The following SDHAF3 variants were observed in gnomAD, a reference collection of about 807,000 sequenced individuals.
SDHAF3 encodes the protein succinate dehydrogenase complex assembly factor 3.
Under a neutral mutation model 11.5 loss-of-function variants are expected in SDHAF3, and 18 were observed. That is an observed-to-expected ratio of 1.56 (90% CI 1.08 to 2.32). SDHAF3 has a LOEUF of 2.32. Ranked by LOEUF, SDHAF3 falls within the 30% of genes most tolerant of loss-of-function variation. SDHAF3 has a pLI of 0.00. For synonymous variants in SDHAF3, 72 were observed against 59.3 expected, an observed-to-expected ratio of 1.21 and a Z score of -0.99; for missense variants, 200 against 154.4, an observed-to-expected ratio of 1.30 and a Z score of -1.57.
At position 97,181,008 on chromosome 7, in the gene SDHAF3, T is replaced by C; in HGVS notation, c.175-4T>C. 1 of 1,609,966 alleles carries C rather than the reference T, an allele frequency of 6.2e-7. No homozygotes were observed. Among genetic ancestry groups the C allele is most frequent in the Non-Finnish European group, 8.5e-7 (1 of 1,178,284 alleles). On this transcript the variant is annotated splice_region_variant and splice_polypyrimidine_tract_variant and intron_variant, in intron 1 of 1. Transcript: ENST00000432641. ...TCTATAACCTTCATTCTTTATCTTT[T>C]TAGGTGTATGCAACAGCGTTATTGC...
At chr7:97,171,537 TG>T (rs2115740068) in intron 1 of SDHAF3, among the ~76,000 whole-genome samples, 1 of 152,248 alleles carries the variant, frequency 6.6e-6, no homozygotes, top group South Asian at 2.1e-4. Flanking sequence ...GGAAATTATT[TG>T]TATATAAAAT....
intron 1 of SDHAF3, among the ~76,000 whole-genome samples, chr7:97,132,925 GACTC>G (rs1791692473): frequency 6.6e-6 from 1 of 152,128 alleles, no homozygotes; most frequent in African/African-American, 2.4e-5. Flanking sequence ...TTTGGCAGCA[GACTC>G]ACATTACTTA....
chr7:97,167,809 G>C (rs1229263887), intron 1 of SDHAF3, among the ~76,000 whole-genome samples: 1 of 152,174 alleles, frequency 6.6e-6, no homozygotes, highest in Non-Finnish European at 1.5e-5. Flanking sequence ...AAGTGCAGGG[G>C]CTGCAAAACA....
intron 1 of SDHAF3, among the ~76,000 whole-genome samples, chr7:97,151,818 C>T (rs1269430019): frequency 1.3e-5 from 2 of 151,996 alleles, no homozygotes; most frequent in Non-Finnish European, 2.9e-5. Context: ...TCTCTTTTTC[C>T]TGTGGTACGG....
At chr7:97,146,825 C>T (rs1470110585) in intron 1 of SDHAF3, among the ~76,000 whole-genome samples, 9 of 146,200 alleles carry the variant, frequency 6.2e-5, no homozygotes, top group East Asian at 4.0e-4. Flanking sequence ...CTCACTCTGT[C>T]GCCCAGGCCA....
At chr7:97,124,884 A>C (rs1781392052) in intron 1 of SDHAF3, among the ~76,000 whole-genome samples, 2 of 152,222 alleles carry the variant, frequency 1.3e-5, no homozygotes, top group South Asian at 2.1e-4. Flanking sequence ...TATCAGCTTA[A>C]GGAGTTTTTG....
intron 1 of SDHAF3, among the ~76,000 whole-genome samples, chr7:97,168,387 C>T (rs1789546512): frequency 6.6e-6 from 1 of 152,146 alleles, no homozygotes; most frequent in African/African-American, 2.4e-5. Context: ...CAGTCTAGTT[C>T]CCAGGCAAGA....
At chr7:97,127,319 C>T (rs765058337) in intron 1 of SDHAF3, among the ~76,000 whole-genome samples, 10 of 152,338 alleles carry the variant, frequency 6.6e-5, no homozygotes, top group East Asian at 1.9e-4. Context: ...CCCGGTATCA[C>T]GGACTGACTG....
intron 1 of SDHAF3, 68 bp from the exon 2 acceptor site, chr7:97,180,944 T>TTCAAG (rs1789761827): frequency 2.2e-6 from 3 of 1,348,174 alleles, no homozygotes; most frequent in African/African-American, 3.0e-5. Context: ...AGAATTAGAA[T>TTCAAG]TCAAGTCCTC....
At chr7:97,124,074 T>TG (rs1791539344) in intron 1 of SDHAF3, among the ~76,000 whole-genome samples, 1 of 152,336 alleles carries the variant, frequency 6.6e-6, no homozygotes, top group South Asian at 2.1e-4. Context: ...TCTTTGCCCA[T>TG]GCCTATGTCC....
At chr7:97,120,173 C>T (rs561322988) in intron 1 of SDHAF3, among the ~76,000 whole-genome samples, 10 of 152,248 alleles carry the variant, frequency 6.6e-5, no homozygotes, top group South Asian at 2.1e-4. Flanking sequence ...TTAGTTGACA[C>T]GCGTCTGTAG....
intron 1 of SDHAF3, among the ~76,000 whole-genome samples, chr7:97,158,782 A>AT (rs1388707695): frequency 6.6e-6 from 1 of 152,210 alleles, no homozygotes; most frequent in African/African-American, 2.4e-5. Context: ...CTAACAGGAG[A>AT]TTTTTAACTT....
chr7:97,166,916 A>G (rs1789514516), intron 1 of SDHAF3, among the ~76,000 whole-genome samples: 1 of 152,238 alleles, frequency 6.6e-6, no homozygotes, highest in South Asian at 2.1e-4. Context: ...TTTTATGACT[A>G]AACTTAAAAT....
intron 1 of SDHAF3, among the ~76,000 whole-genome samples, chr7:97,142,042 C>CT (rs71131003): frequency 0.16 from 9,912 of 61,638 alleles, 3,287 homozygotes; most frequent in Non-Finnish European, 0.22. Flanking sequence ...GAATTGTTGT[C>CT]TTTTTTTTTT....
chr7:97,126,928 G>A (rs546395074), intron 1 of SDHAF3, among the ~76,000 whole-genome samples: 16 of 151,962 alleles, frequency 1.1e-4, no homozygotes, highest in Admixed American at 7.9e-4. Context: ...CCAGGGCCTT[G>A]GTGGTGTAGA....
intron 1 of SDHAF3, among the ~76,000 whole-genome samples, chr7:97,176,331 C>CAT (rs1193428186): frequency 6.6e-6 from 1 of 152,166 alleles, no homozygotes; most frequent in East Asian, 1.9e-4. Flanking sequence ...AGAGAGCAAT[C>CAT]ATAGGGAATC....
intron 1 of SDHAF3, among the ~76,000 whole-genome samples, chr7:97,160,180 A>C (rs6943457): frequency 7.9e-6 from 1 of 127,312 alleles, no homozygotes; most frequent in African/African-American, 3.1e-5. Flanking sequence ...CTGCCCGGCC[A>C]CCCATCGTCT....
intron 1 of SDHAF3, among the ~76,000 whole-genome samples, chr7:97,149,041 C>A (rs1789177865): frequency 6.6e-6 from 1 of 151,956 alleles, no homozygotes; most frequent in Non-Finnish European, 1.5e-5. Flanking sequence ...GTGATCCTCC[C>A]ACCTGCGCCT....
intron 1 of SDHAF3, among the ~76,000 whole-genome samples, chr7:97,143,035 G>T (rs571697087): frequency 1.3e-5 from 2 of 151,572 alleles, no homozygotes. Context: ...GAGTAGCTGG[G>T]ATTACAGGCA....
Sources: gnomAD v4.1 joint callset for allele counts (sites outside exome capture counted in the v4.1 genomes callset) on GRCh38, gnomAD v4.1.1 for gene constraint, MANE v1.5 for transcripts, NCBI Gene and HGNC (gene_info 2026-07-23, HGNC 2026-07-21) for gene names.